DNAAF9: variants seen among roughly 807,000 people sequenced by gnomAD.
The protein encoded by DNAAF9 is dynein axonemal assembly factor 9.
Under a neutral mutation model 167.0 loss-of-function variants are expected in DNAAF9, and 90 were observed. The ratio of observed to expected loss-of-function variants is 0.54; its 90% CI spans 0.45 to 0.64. DNAAF9 has a LOEUF of 0.64. DNAAF9 is among the 30% of genes least tolerant of loss of function. The pLI, the probability that DNAAF9 is intolerant of heterozygous loss-of-function variation, is 0.00. For missense variants in DNAAF9, 1,315 were observed against 1,442.2 expected, an observed-to-expected ratio of 0.91 and a Z score of 1.43; for synonymous variants, 491 against 508.8, an observed-to-expected ratio of 0.96 and a Z score of 0.47.
chr20:3,285,695 A>T (rs945265710), intron 27 of DNAAF9, among the ~76,000 whole-genome samples: 12 of 140,078 alleles, frequency 8.6e-5, no homozygotes, highest in African/African-American at 3.0e-4. Flanking sequence ...AAAAAAAAAA[A>T]GGGCCAGGAG....
At chr20:3,278,868 G>A (rs2068718093) in intron 29 of DNAAF9, 44 bp downstream of exon 29, 6 of 1,365,394 alleles carry the variant, frequency 4.4e-6, no homozygotes, top group Non-Finnish European at 5.2e-6. Flanking sequence ...GAATTCTACT[G>A]AACTTGCAAG....
At chr20:3,262,943 T>C (rs1345049544) in intron 31 of DNAAF9, among the ~76,000 whole-genome samples, 3 of 152,034 alleles carry the variant, frequency 2.0e-5, no homozygotes, top group Admixed American at 2.0e-4. Context: ...TTTTTGGTTT[T>C]GTTTTTTACA....
chr20:3,260,403 G>A (rs553840777), intron 31 of DNAAF9, among the ~76,000 whole-genome samples: 1 of 152,282 alleles, frequency 6.6e-6, no homozygotes, highest in Non-Finnish European at 1.5e-5. Context: ...ATGCCATTTT[G>A]CACACAAAAA....
chr20:3,347,169 T>C (rs1189371589), intron 8 of DNAAF9, among the ~76,000 whole-genome samples: 2 of 152,084 alleles, frequency 1.3e-5, no homozygotes, highest in Non-Finnish European at 2.9e-5. Flanking sequence ...AATAAAAGAC[T>C]ATGCTATGTA....
Position 3,254,238 on chromosome 20 carries a change from C to T in DNAAF9, c.3328-419G>A, listed in dbSNP as rs2068240691. ...GGATTACAGGCATGCGCCACCACGCCTGGCTAATTTTTGTATTTTTAGTAC... is the reference window on the plus strand; with the variant it reads ...GGATTACAGGCATGCGCCACCACGCTTGGCTAATTTTTGTATTTTTAGTAC... On this transcript the variant is annotated intron_variant, in intron 35 of 36. Transcript: ENST00000252032. 1.3e-5 allele frequency among the ~76,000 whole-genome samples: 2 copies of T among 152,160 alleles called. 1 individual carries two copies. The highest frequency in any genetic ancestry group is 4.1e-4 in the South Asian group (2 of 4,824).
intron 6 of DNAAF9, among the ~76,000 whole-genome samples, chr20:3,363,448 A>T (rs1381771177): frequency 6.6e-6 from 1 of 151,770 alleles, no homozygotes; most frequent in Non-Finnish European, 1.5e-5. Flanking sequence ...TGGGTGACAG[A>T]GTGAGACTCC....
At chr20:3,384,744 A>T (rs1414710435) in intron 1 of DNAAF9, among the ~76,000 whole-genome samples, 1 of 152,120 alleles carries the variant, frequency 6.6e-6, no homozygotes. Context: ...CATGTAAAAC[A>T]ACTATACACT....
At chr20:3,362,089 G>A in intron 6 of DNAAF9, 1 of 1,402,192 alleles carries the variant, frequency 7.1e-7, no homozygotes, top group South Asian at 1.2e-5. Flanking sequence ...TACAAAGGGG[G>A]GTGCTTCTGA....
chr20:3,339,909 A>G (rs1264963885), intron 10 of DNAAF9, among the ~76,000 whole-genome samples: 1 of 152,224 alleles, frequency 6.6e-6, no homozygotes, highest in Non-Finnish European at 1.5e-5. Context: ...ACAAACAAAC[A>G]AAAAAACTAG....
chr20:3,363,498 A>G (rs1177640241), intron 6 of DNAAF9, among the ~76,000 whole-genome samples: 1 of 151,820 alleles, frequency 6.6e-6, no homozygotes, highest in African/African-American at 2.4e-5. Flanking sequence ...AAAACGAAAA[A>G]AAAGAAAAAA....
At position 3,255,587 on chromosome 20, in the gene DNAAF9, G is replaced by A. The variant is rs75845151; in HGVS notation, c.3262-303C>T. The stretch of plus-strand genomic sequence containing the variant: ...CCCTACCAATGAGAGGCAGACAAAG[G>A]GGCAGTCTGAGGCCCCACAGTCAAG... On this transcript the variant is annotated intron_variant, in intron 34 of 36. Transcript: ENST00000252032. Among the ~76,000 whole-genome samples, 395 of 152,130 alleles carry A rather than the reference G, an allele frequency of 2.6e-3. 4 individuals carry two copies. The highest frequency in any genetic ancestry group is 0.017 in the East Asian group (89 of 5,158).
chr20:3,318,104 CTTTTTTT>C (rs751838555), intron 17 of DNAAF9, among the ~76,000 whole-genome samples, 178 bp downstream of exon 17: 1 of 132,852 alleles, frequency 7.5e-6, no homozygotes, highest in Admixed American at 7.6e-5. Context: ...TAATGTTTCT[CTTTTTTT>C]TTTTTTTTTG....
chr20:3,367,182 A>G (rs2083442555), intron 6 of DNAAF9, among the ~76,000 whole-genome samples: 1 of 152,202 alleles, frequency 6.6e-6, no homozygotes, highest in African/African-American at 2.4e-5. Flanking sequence ...TGCTAGCTTT[A>G]AACTTTTCTT....
chr20:3,303,443 C>T (rs1016280109), intron 21 of DNAAF9, among the ~76,000 whole-genome samples: 3 of 152,092 alleles, frequency 2.0e-5, no homozygotes, highest in Non-Finnish European at 4.4e-5. Context: ...AGGTAAGAGT[C>T]TATTTTTTGT....
Position 3,394,608 on chromosome 20 carries a change from A to T in DNAAF9, c.84-12102T>A, listed in dbSNP as rs190945110. On this transcript the variant is annotated intron_variant, in intron 1 of 36. Coordinates refer to ENST00000252032, the MANE Select transcript of DNAAF9 (RefSeq NM_001009984.3). ...ACATTTAGTTCTTTATTCCACTGGA[A>T]TTTTTTTACTTTCGTGAAGCAGGAA... Among the ~76,000 whole-genome samples the T allele has an allele frequency of 2.5e-4, 38 of 152,220 alleles. No individual in the cohort carries two copies. The East Asian group carries it at 6.4e-3, about 25-fold the overall frequency.
chr20:3,336,107 A>T (rs2069936431), intron 10 of DNAAF9, among the ~76,000 whole-genome samples: 1 of 152,128 alleles, frequency 6.6e-6, no homozygotes, highest in Non-Finnish European at 1.5e-5. Context: ...TGGGTGACAG[A>T]GCGAGACCCC....
chr20:3,366,214 A>G (rs1414278440), intron 6 of DNAAF9, among the ~76,000 whole-genome samples: 1 of 152,232 alleles, frequency 6.6e-6, no homozygotes, highest in Non-Finnish European at 1.5e-5. Context: ...TATTTCTTAA[A>G]TAATAAGCCT....
chr20:3,367,125 T>C (rs920570092), intron 6 of DNAAF9, among the ~76,000 whole-genome samples: 3 of 152,222 alleles, frequency 2.0e-5, no homozygotes, highest in Non-Finnish European at 4.4e-5. Flanking sequence ...CTTGCACTTT[T>C]ATGTTTTAGA....
At chr20:3,406,100 C>T (rs1447048717) in intron 1 of DNAAF9, among the ~76,000 whole-genome samples, 2 of 152,140 alleles carry the variant, frequency 1.3e-5, no homozygotes, top group Admixed American at 6.5e-5. Context: ...GTATCTACCC[C>T]CCACCTTCTC....
Sources: allele counts gnomAD v4.1 joint callset (sites outside exome capture counted in the v4.1 genomes callset), GRCh38; gene constraint gnomAD v4.1.1; transcripts MANE v1.5; gene names NCBI Gene and HGNC (gene_info 2026-07-23, HGNC 2026-07-21).